STK39: variants seen among roughly 807,000 people sequenced by gnomAD.
The protein encoded by STK39 is STE20/SPS1-related proline-alanine-rich protein kinase.
A neutral mutation model predicts 77.8 loss-of-function variants in STK39; 20 were observed. The observed-to-expected ratio is 0.26, with a 90% CI of 0.18 to 0.37. The LOEUF is 0.37. STK39 is among the 10% of genes least tolerant of loss of function. The pLI is 1.00. For missense variants in STK39, 479 were observed against 656.5 expected (o/e 0.73, Z 2.95); for synonymous variants, 246 against 234.1 (o/e 1.05, Z -0.47).
At chr2:168,195,630 T>C (rs1689449376) in intron 1 of STK39, among the ~76,000 whole-genome samples, 3 of 152,218 alleles carry the variant, frequency 2.0e-5, no homozygotes, top group African/African-American at 7.2e-5. Context: ...TCCTGATGTG[T>C]CAATTAGCTG....
chr2:168,035,156 A>G (rs949317061), intron 14 of STK39, among the ~76,000 whole-genome samples: 5 of 152,190 alleles, frequency 3.3e-5, no homozygotes, highest in Non-Finnish European at 7.3e-5. Context: ...TTATGAATGA[A>G]AAAAGATTTC....
intron 1 of STK39, among the ~76,000 whole-genome samples, chr2:168,244,406 G>T (rs1361597288): frequency 6.6e-6 from 1 of 152,168 alleles, no homozygotes; most frequent in East Asian, 1.9e-4. Context: ...GTTAAAACAC[G>T]GTGCCTCCTT....
intron 2 of STK39, among the ~76,000 whole-genome samples, chr2:168,178,855 G>A (rs1022480963): frequency 4.6e-5 from 7 of 152,128 alleles, no homozygotes; most frequent in Admixed American, 4.6e-4. Context: ...TAAAGAAGTC[G>A]AGTTCTGGAC....
At chr2:168,013,478 T>C (rs1406361852) in intron 15 of STK39, among the ~76,000 whole-genome samples, 1 of 152,226 alleles carries the variant, frequency 6.6e-6, no homozygotes, top group Non-Finnish European at 1.5e-5. Flanking sequence ...AGAACTGTTA[T>C]AAGCCCCCAC....
At chr2:168,208,891 A>G (rs1008453864) in intron 1 of STK39, among the ~76,000 whole-genome samples, 4 of 152,160 alleles carry the variant, frequency 2.6e-5, no homozygotes, top group Non-Finnish European at 5.9e-5. Context: ...CTGACTTAAG[A>G]TATCTCCCAC....
intron 16 of STK39, among the ~76,000 whole-genome samples, chr2:167,981,610 G>A (rs1439981377): frequency 3.3e-5 from 5 of 152,060 alleles, no homozygotes; most frequent in East Asian, 3.8e-4. Context: ...CTCTTGTCCC[G>A]GTGTTGTGTT....
intron 14 of STK39, 98 bp from the exon 15 acceptor site, chr2:168,017,193 A>T: frequency 1.4e-6 from 1 of 717,520 alleles, no homozygotes. Context: ...TAACATGTGG[A>T]TAACATTTTA....
At chr2:168,159,561 A>C (rs974273483) in intron 5 of STK39, among the ~76,000 whole-genome samples, 1 of 152,234 alleles carries the variant, frequency 6.6e-6, no homozygotes, top group Non-Finnish European at 1.5e-5. Flanking sequence ...CTTATATTAT[A>C]GTGAACACTT....
chr2:168,168,633 C>T (rs940595749), intron 2 of STK39, among the ~76,000 whole-genome samples: 9 of 152,266 alleles, frequency 5.9e-5, no homozygotes, highest in East Asian at 5.8e-4. Flanking sequence ...CCTATATATC[C>T]GACAACTTGG....
chr2:168,200,684 A>AAAAATAAAATAAAATAAAATAAAAT (rs57515359), intron 1 of STK39, among the ~76,000 whole-genome samples: 69 of 150,178 alleles, frequency 4.6e-4, no homozygotes, highest in African/African-American at 1.3e-3. Context: ...CTCAAAACAT[A>AAAAATAAAATAAAATAAAATAAAAT]AAAATAAAAT....
At chr2:168,226,851 A>C (rs1342576168) in intron 1 of STK39, among the ~76,000 whole-genome samples, 1 of 152,236 alleles carries the variant, frequency 6.6e-6, no homozygotes, top group Non-Finnish European at 1.5e-5. Context: ...GAAATTCTGG[A>C]TATCTATCCC....
chr2:168,006,120 G>A (rs1684127408), intron 16 of STK39, among the ~76,000 whole-genome samples: 1 of 152,170 alleles, frequency 6.6e-6, no homozygotes, highest in African/African-American at 2.4e-5. Context: ...AGGGAAGGGT[G>A]GTATAAAAAC....
Position 168,096,258 on chromosome 2 carries a change from C to T in STK39, c.1090-21027G>A, listed in dbSNP as rs112369007. On this transcript the variant is annotated intron_variant, in intron 10 of 17. Coordinates refer to ENST00000355999, the MANE Select transcript of STK39 (RefSeq NM_013233.3). ...AACAAGGATGTGATTAGAATCCTTC[C>T]ACTGGGTGACAGTACAGCACAGTGT... Among the ~76,000 whole-genome samples, 438 of 152,136 alleles carry T rather than the reference C, an allele frequency of 2.9e-3. 1 individual carries two copies. Among genetic ancestry groups the T allele is most frequent in the African/African-American group, 9.7e-3 (404 of 41,494 alleles).
chr2:168,016,483 T>C (rs1684413902), intron 15 of STK39, among the ~76,000 whole-genome samples: 3 of 151,850 alleles, frequency 2.0e-5, no homozygotes, highest in Admixed American at 2.0e-4. Context: ...ACCATTCACT[T>C]TGGCTTCTGT....
chr2:168,233,041 C>T (rs566395758), intron 1 of STK39, among the ~76,000 whole-genome samples: 10 of 152,100 alleles, frequency 6.6e-5, no homozygotes, highest in East Asian at 3.9e-4. Flanking sequence ...GATCAGAGAT[C>T]GTCACTTTTT....
At chr2:168,221,289 T>C (rs1690161670) in intron 1 of STK39, among the ~76,000 whole-genome samples, 1 of 152,176 alleles carries the variant, frequency 6.6e-6, no homozygotes, top group African/African-American at 2.4e-5. Context: ...AAACATTGAT[T>C]GTCTCAGAGT....
rs767537417 is a variant in STK39 at position 168,012,654 on chromosome 2, T to C, written c.1478A>G (p.Asp493Gly). Residue 493 changes from aspartate to glycine, a missense_variant, in exon 16 of 18, where the codon GAT becomes GGT. This residue lies in a region of STK39 where 244 missense variants were observed against 296.8 expected (regional missense o/e 0.82). Coordinates refer to ENST00000355999, the MANE Select transcript of STK39 (RefSeq NM_013233.3). Reference protein sequence around the residue: ...SQELFSAGLVDGHDVVIVAAN... With the variant: ...SQELFSAGLVGGHDVVIVAAN... Reference sequence around the variant, plus strand: ...TTTACCTATAACTACATCGTGACCATCCACCAAGCCAGCAGAGAAGAGCTC... The same window carrying C: ...TTTACCTATAACTACATCGTGACCACCCACCAAGCCAGCAGAGAAGAGCTC... 2 of 1,613,736 alleles carry C rather than the reference T, an allele frequency of 1.2e-6. No individual in the cohort carries two copies. Among genetic ancestry groups the C allele is most frequent in the Non-Finnish European group, 8.5e-7 (1 of 1,179,800 alleles).
rs114866237 is a variant in STK39, at chr2:168,176,711, G to A, written c.321+5267C>T. Among the ~76,000 whole-genome samples the A allele has an allele frequency of 4.9e-3, 753 of 152,232 alleles. 5 individuals are homozygous for A. The highest frequency in any genetic ancestry group is 0.017 in the African/African-American group (717 of 41,538). On this transcript the variant is annotated intron_variant, in intron 2 of 17. Coordinates refer to ENST00000355999, the MANE Select transcript of STK39 (RefSeq NM_013233.3). ...AAGATGATACAGGAAGAAAAAAGCA[G>A]ATGACAGTTGAAGACTACTGAATGA...
intron 1 of STK39, 92 bp downstream of exon 1, chr2:168,247,136 C>T: frequency 2.3e-6 from 2 of 867,188 alleles, no homozygotes; most frequent in Middle Eastern, 5.6e-4. Context: ...GCCTCCAGGG[C>T]GTGCATGCAG....
Sources: gnomAD v4.1 joint callset for allele counts (sites outside exome capture counted in the v4.1 genomes callset) on GRCh38, gnomAD v4.1.1 for gene constraint, gnomAD v4.1.1 regional missense constraint, MANE v1.5 for transcripts, NCBI Gene and HGNC (gene_info 2026-07-23, HGNC 2026-07-21) for gene names.